PITPNC1: variants seen among roughly 807,000 people sequenced by gnomAD.
PITPNC1 encodes the protein cytoplasmic phosphatidylinositol transfer protein 1.
In PITPNC1, 18 loss-of-function variants were observed where a neutral mutation model predicts 44.7. The ratio of observed to expected loss-of-function variants is 0.40; its 90% CI spans 0.28 to 0.60. The LOEUF is 0.60. Ranked by LOEUF, PITPNC1 falls within the 20% of genes least tolerant of loss-of-function variation. PITPNC1 has a pLI of 0.39. For synonymous variants in PITPNC1, 141 were observed against 149.6 expected (o/e 0.94, Z 0.42); for missense variants, 290 against 418.4 (o/e 0.69, Z 2.68).
At chr17:67,512,868 C>G (rs2144092810) in intron 1 of PITPNC1, among the ~76,000 whole-genome samples, 1 of 152,074 alleles carries the variant, frequency 6.6e-6, no homozygotes, top group Middle Eastern at 3.4e-3. Context: ...GGGAGATAAG[C>G]TCGATCACTC....
chr17:67,389,520 C>T (rs2038105183), intron 1 of PITPNC1, among the ~76,000 whole-genome samples: 2 of 152,184 alleles, frequency 1.3e-5, no homozygotes, highest in African/African-American at 2.4e-5. Flanking sequence ...TAGATCCCTG[C>T]CCTCCTGAAG....
In PITPNC1 at chr17:67,669,606, G is replaced by A; in HGVS notation, c.561G>A (p.Val187=). 6.2e-7 allele frequency: 1 copy of A among 1,605,418 alleles called. No homozygotes were observed. The highest frequency in any genetic ancestry group is 8.5e-7 in the Non-Finnish European group (1 of 1,175,746). Residue 187 remains valine, a synonymous_variant, in exon 7 of 9, where the codon GTG becomes GTA. Coordinates refer to ENST00000581322, the MANE Select transcript of PITPNC1 (RefSeq NM_012417.4). ...HQPIMCSYKL[V]TVKFEVWGLQ... ...CTATCATGTGCTCCTACAAGCTGGT[G>A]ACTGTGAAGTTTGAGGTCTGGGGGC...
chr17:67,574,033 A>G (rs1341251042), intron 4 of PITPNC1, among the ~76,000 whole-genome samples: 1 of 152,210 alleles, frequency 6.6e-6, no homozygotes, highest in Non-Finnish European at 1.5e-5. Context: ...AAAGATGCAA[A>G]TAATCAATGA....
chr17:67,667,295 G>A (rs547604335), intron 6 of PITPNC1, among the ~76,000 whole-genome samples: 27 of 151,960 alleles, frequency 1.8e-4, no homozygotes, highest in African/African-American at 5.8e-4. Flanking sequence ...CTGGGAGGCC[G>A]AGGTGGGCAG....
chr17:67,436,431 G>A (rs1159403351), intron 1 of PITPNC1, among the ~76,000 whole-genome samples: 1 of 152,110 alleles, frequency 6.6e-6, no homozygotes, highest in African/African-American at 2.4e-5. Context: ...GTACTAGCAT[G>A]GCCTCTTTGT....
chr17:67,595,452 G>GTT (rs112587198), intron 5 of PITPNC1, among the ~76,000 whole-genome samples: 16 of 141,186 alleles, frequency 1.1e-4, no homozygotes, highest in African/African-American at 1.6e-4. Flanking sequence ...TAGTATTTTA[G>GTT]TTTTTTTTTT....
chr17:67,623,876 A>G (rs2041863491), intron 5 of PITPNC1, among the ~76,000 whole-genome samples: 2 of 152,218 alleles, frequency 1.3e-5, no homozygotes, highest in Non-Finnish European at 2.9e-5. Context: ...GATTTTATCT[A>G]GAGAAATCAC....
At chr17:67,619,938 A>G (rs1481355197) in intron 5 of PITPNC1, among the ~76,000 whole-genome samples, 1 of 152,070 alleles carries the variant, frequency 6.6e-6, no homozygotes, top group Non-Finnish European at 1.5e-5. Context: ...CCAAAATCCC[A>G]TAACTAAAAC....
chr17:67,648,057 C>T (rs963918703), intron 6 of PITPNC1, among the ~76,000 whole-genome samples: 7 of 152,162 alleles, frequency 4.6e-5, no homozygotes, highest in African/African-American at 1.4e-4. Context: ...TTATTGTCTT[C>T]AAATTACAGA....
At chr17:67,420,978 C>G (rs2038665303) in intron 1 of PITPNC1, among the ~76,000 whole-genome samples, 1 of 152,154 alleles carries the variant, frequency 6.6e-6, no homozygotes, top group Admixed American at 6.5e-5. Context: ...GATACATTAT[C>G]CATCATGTTA....
intron 6 of PITPNC1, among the ~76,000 whole-genome samples, chr17:67,646,030 C>G (rs1441424829): frequency 6.6e-6 from 1 of 152,148 alleles, no homozygotes; most frequent in Admixed American, 6.5e-5. Flanking sequence ...GAAGCTGAGG[C>G]AGGAGAATCA....
At position 67,378,100 on chromosome 17, in the gene PITPNC1, T is replaced by C. The variant is rs962446305; in HGVS notation, c.-55T>C. ...CCCTGCGCCTGGGCAGCAGCCTTGC[T>C]GGTCTTGGGGGCGCCCCCCGCTTCC... On this transcript the variant is annotated 5_prime_UTR_variant, in exon 1 of 9. Coordinates refer to ENST00000581322, the MANE Select transcript of PITPNC1 (RefSeq NM_012417.4). The C allele has an allele frequency of 1.8e-5, 24 of 1,337,448 alleles. No individual in the cohort carries two copies. In the African/African-American group the frequency reaches 3.2e-4, roughly 18 times the overall value. The allele number at this position is 1,337,448 out of a possible 1,614,324, so 82.8% of individuals were successfully genotyped here. A position where few individuals can be genotyped will look rare whatever the true frequency, so the allele number is the denominator to read the frequency against.
At chr17:67,687,293 C>T (rs1435125038) in intron 8 of PITPNC1, 5 of 660,370 alleles carry the variant, frequency 7.6e-6, no homozygotes, top group African/African-American at 3.6e-5. Flanking sequence ...AGAAACATGT[C>T]GTCACCCAGA....
chr17:67,530,085 C>CTTTT (rs796278390), intron 1 of PITPNC1, among the ~76,000 whole-genome samples: 83 of 71,250 alleles, frequency 1.2e-3, no homozygotes, highest in Middle Eastern at 0.019. Flanking sequence ...CAACCCTTGG[C>CTTTT]TTTTTTTTTT....
intron 6 of PITPNC1, among the ~76,000 whole-genome samples, chr17:67,643,517 T>C (rs768938598): frequency 1.7e-4 from 26 of 152,346 alleles, no homozygotes; most frequent in Non-Finnish European, 3.2e-4. Context: ...GGGCTTTTCA[T>C]AGAGGGATCT....
rs771747451 is a variant in PITPNC1 at position 67,692,868 on chromosome 17, TG to T, written c.980del (p.Cys327PhefsTer10). On this transcript the variant is annotated frameshift_variant, in exon 9 of 9. Coordinates refer to ENST00000581322, the MANE Select transcript of PITPNC1 (RefSeq NM_012417.4). LOFTEE classifies it high-confidence loss of function. Reference protein sequence around the residue: ...LPGMHSSDKPCRPKSE With the variant: ...LPGMHSSDKPXRPKSE ...CGGCATGCACTCTTCAGATAAGCCA[TG>T]TCGGCCCAAATCTGAGTAACTTTAT... The T allele has an allele frequency of 6.2e-7, 1 of 1,605,292 alleles. No individual in the cohort carries two copies. The highest frequency in any genetic ancestry group is 1.7e-5 in the Admixed American group (1 of 59,696).
chr17:67,479,127 CT>C (rs2039670225), intron 1 of PITPNC1, among the ~76,000 whole-genome samples: 1 of 152,144 alleles, frequency 6.6e-6, no homozygotes, highest in Non-Finnish European at 1.5e-5. Flanking sequence ...CCAACCCTAC[CT>C]TTCCTGAGAG....
intron 5 of PITPNC1, among the ~76,000 whole-genome samples, chr17:67,599,477 G>C (rs1418765433): frequency 6.6e-6 from 1 of 152,178 alleles, no homozygotes; most frequent in Non-Finnish European, 1.5e-5. Context: ...CGTTTAATGG[G>C]AGGGAAATGG....
Position 67,695,067 on chromosome 17 carries a change from A to G in PITPNC1, c.*2179A>G, listed in dbSNP as rs2042988145. The G allele has an allele frequency of 6.6e-6, 1 of 152,230 alleles. No homozygotes were observed. Among genetic ancestry groups the G allele is most frequent in the South Asian group, 2.1e-4 (1 of 4,834 alleles). The allele number at this position is 152,230 out of a possible 1,614,324, so 9.4% of individuals were successfully genotyped here. On this transcript the variant is annotated 3_prime_UTR_variant, in exon 9 of 9. Coordinates refer to ENST00000581322, the MANE Select transcript of PITPNC1 (RefSeq NM_012417.4). ...CTGCTGTCAAGGTTAACAATTCTAT[A>G]TGCTTTAGGAAGCTAAGTTCTAATT...
Sources: gnomAD v4.1 joint callset for allele counts (sites outside exome capture counted in the v4.1 genomes callset) on GRCh38, gnomAD v4.1.1 for gene constraint, MANE v1.5 for transcripts, NCBI Gene and HGNC (gene_info 2026-07-23, HGNC 2026-07-21) for gene names.